The following PUDP variants were observed in gnomAD, a reference collection of about 807,000 sequenced individuals.
PUDP encodes the protein pseudouridine 5'-phosphatase, also known as pseudouridine-5'-phosphatase.
A neutral mutation model predicts 9.4 loss-of-function variants in PUDP; 8 were observed. The observed-to-expected ratio is 0.85, with a 90% CI of 0.50 to 1.53. The LOEUF (loss-of-function observed/expected upper bound fraction) is 1.53. Ranked by LOEUF, PUDP falls within the 40% of genes most tolerant of loss-of-function variation. The pLI is 0.00. For missense variants in PUDP, 188 were observed against 189.7 expected (o/e 0.99, Z 0.05); for synonymous variants, 99 against 80.7 (o/e 1.23, Z -1.22).
chrX:6,924,108 A>ACC (rs1290332867), intron 3 of PUDP, among the ~76,000 whole-genome samples: 2 of 110,789 alleles, frequency 1.8e-5, no homozygotes, highest in Non-Finnish European at 3.8e-5. Flanking sequence ...CAAAATGTCA[A>ACC]CCCCAGCCCT....
chrX:6,857,034 A>G (rs1163217431), intron 3 of PUDP, among the ~76,000 whole-genome samples: 1 of 112,762 alleles, frequency 8.9e-6, no homozygotes, highest in Non-Finnish European at 1.9e-5. Context: ...TTACAGATAT[A>G]CTAAACGAAA....
At chrX:6,753,508 C>T (rs1925132126) in intron 3 of PUDP, among the ~76,000 whole-genome samples, 1 of 111,711 alleles carries the variant, frequency 9.0e-6, no homozygotes, top group South Asian at 3.7e-4. Flanking sequence ...ATTGCTTGAT[C>T]AAATGGTAGT....
chrX:7,076,575 C>T (rs1930910405), intron 3 of PUDP, among the ~76,000 whole-genome samples: 1 of 111,642 alleles, frequency 9.0e-6, no homozygotes, highest in Non-Finnish European at 1.9e-5. Context: ...CCCAGGTCAC[C>T]TGAGGAGGAG....
chrX:6,801,984 ATTTT>A (rs1172637605), intron 3 of PUDP, among the ~76,000 whole-genome samples: 1 of 111,304 alleles, frequency 9.0e-6, no homozygotes, highest in African/African-American at 3.3e-5. Flanking sequence ...CCAACGCAGT[ATTTT>A]TTTTCCCTTT....
chrX:6,867,563 T>G (rs1286593516), intron 3 of PUDP, among the ~76,000 whole-genome samples: 1 of 109,901 alleles, frequency 9.1e-6, no homozygotes, highest in Admixed American at 9.7e-5. Context: ...GTGATAATGG[T>G]GGATGGTGAT....
chrX:6,748,101 C>G (rs1473034716), intron 3 of PUDP, among the ~76,000 whole-genome samples: 1 of 111,859 alleles, frequency 8.9e-6, no homozygotes, highest in Non-Finnish European at 1.9e-5. Flanking sequence ...TAATAGGATA[C>G]AGACATACAT....
At chrX:6,946,127 G>A (rs1052617960) in intron 3 of PUDP, among the ~76,000 whole-genome samples, 4 of 111,241 alleles carry the variant, frequency 3.6e-5, no homozygotes, top group African/African-American at 1.3e-4. Flanking sequence ...CCATGGAGTG[G>A]TTCTGGCTCG....
intron 3 of PUDP, among the ~76,000 whole-genome samples, chrX:6,901,772 C>T (rs973269061): frequency 1.8e-5 from 2 of 112,868 alleles, no homozygotes; most frequent in African/African-American, 6.4e-5. Flanking sequence ...GAGACATGTG[C>T]AATATACAAA....
chrX:7,083,903 CA>C (rs1172053109), intron 2 of PUDP, among the ~76,000 whole-genome samples: 65 of 91,368 alleles, frequency 7.1e-4, no homozygotes, highest in African/African-American at 9.9e-4. Context: ...ACAACAACAA[CA>C]AAAAAAAAAA....
intron 3 of PUDP, among the ~76,000 whole-genome samples, chrX:6,962,579 A>G (rs1057174430): frequency 2.6e-4 from 29 of 112,404 alleles, no homozygotes; most frequent in African/African-American, 8.7e-4. Context: ...CAGTCTCTTC[A>G]AAATGCAAAC....
chrX:6,772,914 A>G (rs753572222), intron 3 of PUDP, among the ~76,000 whole-genome samples: 1 of 111,875 alleles, frequency 8.9e-6, no homozygotes, highest in African/African-American at 3.3e-5. Context: ...ACAAAAAAAG[A>G]CAAGTCTGTT....
At chrX:6,714,993 A>ATGTG (rs775165133) in intron 1 of PUDP, among the ~76,000 whole-genome samples, 16,833 of 104,781 alleles carry the variant, frequency 0.16, 2,116 homozygotes, top group African/African-American at 0.41. Context: ...ATATATATAT[A>ATGTG]TGTGTGTGTG....
intron 3 of PUDP, among the ~76,000 whole-genome samples, chrX:7,064,820 C>A (rs904907032): frequency 6.3e-5 from 7 of 111,645 alleles, no homozygotes; most frequent in Non-Finnish European, 1.3e-4. Context: ...TTTTCTTAAC[C>A]CTTGAATAAG....
At chrX:7,123,196 T>C (rs1445183286) in intron 1 of PUDP, among the ~76,000 whole-genome samples, 19 of 112,736 alleles carry the variant, frequency 1.7e-4, no homozygotes, top group Non-Finnish European at 1.9e-5. Flanking sequence ...AAACGTTATG[T>C]TTTGTTTGTA....
At chrX:7,000,742 A>AT (rs1306105355) in intron 1 of PUDP, among the ~76,000 whole-genome samples, 2 of 108,596 alleles carry the variant, frequency 1.8e-5, no homozygotes, top group East Asian at 2.9e-4. Context: ...TTTATTCCTG[A>AT]TTTTTTTTAC....
At chrX:6,869,252 T>C (rs1274961547) in intron 3 of PUDP, among the ~76,000 whole-genome samples, 1 of 112,056 alleles carries the variant, frequency 8.9e-6, no homozygotes, top group Non-Finnish European at 1.9e-5. Context: ...ATCGTTTTCT[T>C]TGCTCATAAA....
In PUDP at chrX:6,972,558, G is replaced by A. The variant is rs755522451; in HGVS notation, c.*247+4575C>T. On this transcript the variant is annotated intron_variant and NMD_transcript_variant, in intron 3 of 3. Coordinates refer to the PUDP transcript ENST00000655425. The stretch of plus-strand genomic sequence containing the variant: ...AGCCTTGTATCCCAGGAATGAAGCC[G>A]ACTTGATAATGGTGGATGAGCTTTT... 8.0e-5 allele frequency among the ~76,000 whole-genome samples: 9 copies of A among 111,938 alleles called. No homozygotes were observed. The South Asian group carries it at 2.2e-3, about 28-fold the overall frequency.
At chrX:7,089,731 G>A (rs1931368166) in intron 2 of PUDP, among the ~76,000 whole-genome samples, 1 of 111,731 alleles carries the variant, frequency 9.0e-6, no homozygotes, top group East Asian at 2.8e-4. Flanking sequence ...ACCCACTCAC[G>A]CACTGTTTAC....
intron 3 of PUDP, among the ~76,000 whole-genome samples, chrX:6,944,281 A>G (rs778090232): frequency 2.1e-4 from 23 of 111,706 alleles, no homozygotes; most frequent in African/African-American, 6.5e-4. Flanking sequence ...GCCTTCTGCC[A>G]TGATTGTAAG....
Sources: gnomAD v4.1 joint callset for allele counts (sites outside exome capture counted in the v4.1 genomes callset) on GRCh38, gnomAD v4.1.1 for gene constraint, MANE v1.5 for transcripts, NCBI Gene and HGNC (gene_info 2026-07-23, HGNC 2026-07-21) for gene names.